The following ATP1B2 variants were observed in gnomAD, a reference collection of about 807,000 sequenced individuals.
ATP1B2 encodes ATPase Na+/K+ transporting subunit beta 2.
In ATP1B2, 12 loss-of-function variants were observed where a neutral mutation model predicts 37.3. That is an observed-to-expected ratio of 0.32 (90% CI 0.21 to 0.52). The LOEUF (loss-of-function observed/expected upper bound fraction) is 0.52. Among genes scored for constraint, ATP1B2 ranks in the 20% least tolerant of loss-of-function variants. The probability of loss-of-function intolerance (pLI) is 0.96; values close to 1 mark genes in which losing one functional copy is unlikely to be tolerated. For missense variants in ATP1B2, 324 were observed against 391.6 expected, an observed-to-expected ratio of 0.83 and a Z score of 1.46; for synonymous variants, 139 against 140.5, an observed-to-expected ratio of 0.99 and a Z score of 0.07.
Position 7,656,102 on chromosome 17 carries a change from A to G in ATP1B2, c.*207A>G, listed in dbSNP as rs965787664. 115 of 640,550 alleles carry G rather than the reference A, an allele frequency of 1.8e-4. No individual in the cohort carries two copies. Among genetic ancestry groups the G allele is most frequent in the East Asian group, 1.2e-3 (42 of 34,684 alleles). 39.7% of individuals were successfully genotyped at this position (640,550 alleles called of 1,614,324 possible). Reference sequence around the variant, plus strand: ...TCGCCTTTCCCACCAACTTCTCCCAACCTCAGATCAGTCAGACAGGGAGCT... The same window carrying G: ...TCGCCTTTCCCACCAACTTCTCCCAGCCTCAGATCAGTCAGACAGGGAGCT... On this transcript the variant is annotated 3_prime_UTR_variant, in exon 7 of 7. Transcript: ENST00000250111.
At position 7,657,391 on chromosome 17, in the gene ATP1B2, C is replaced by T. The variant is rs1399204860; in HGVS notation, c.*1496C>T. ...GACCCCTTTGCCTTTAAAAAAAAAACAAAAACAAAAACAAAAAAACCCATA... is the reference window on the plus strand; with the variant it reads ...GACCCCTTTGCCTTTAAAAAAAAAATAAAAACAAAAACAAAAAAACCCATA... On this transcript the variant is annotated 3_prime_UTR_variant, in exon 7 of 7. Transcript: ENST00000250111. The T allele has an allele frequency of 6.6e-6, 1 of 151,692 alleles. No individual in the cohort carries two copies. The highest frequency in any genetic ancestry group is 2.4e-5 in the African/African-American group (1 of 41,234). 9.4% of individuals were successfully genotyped at this position (151,692 alleles called of 1,614,324 possible). A position where few individuals can be genotyped will look rare whatever the true frequency, so the allele number is the denominator to read the frequency against.
At position 7,655,134 on chromosome 17, in the gene ATP1B2, CG is replaced by C; in HGVS notation, c.610-391del. ...GGGACCCTGTTCCCCGCTTCCCCCC[CG>C]GTCTGTCCTTTCTAGAAACTGGCTG... On this transcript the variant is annotated intron_variant, in intron 5 of 6. Coordinates refer to ENST00000250111, the MANE Select transcript of ATP1B2 (RefSeq NM_001678.5). This position sits in a 1 kb window ranked among gnomAD's most constrained non-coding sequence, Gnocchi z 4.4. 3 of 322,922 alleles carry C rather than the reference CG, an allele frequency of 9.3e-6. No individual in the cohort carries two copies. The East Asian group carries it at 2.1e-4, about 23-fold the overall frequency. 20.0% of individuals were successfully genotyped at this position (322,922 alleles called of 1,614,324 possible). A position where few individuals can be genotyped will look rare whatever the true frequency, so the allele number is the denominator to read the frequency against.
upstream of ATP1B2, chr17:7,646,637 T>C (rs1044507556): frequency 6.6e-6 from 1 of 152,182 alleles, no homozygotes; most frequent in Admixed American, 6.6e-5. Context: ...AGATGCAACA[T>C]GGACACAGAA....
Position 7,655,593 on chromosome 17 carries a change from A to G in ATP1B2, c.676A>G (p.Met226Val). 5.0e-6 allele frequency: 8 copies of G among 1,614,148 alleles called. No individual in the cohort carries two copies. The highest frequency in any genetic ancestry group is 6.8e-6 in the Non-Finnish European group (8 of 1,180,034). The change falls in exon 6 of 7, where the codon ATG becomes GTG. Residue 226 changes from methionine to valine, a missense_variant. Transcript: ENST00000250111. This position sits in a 1 kb window ranked among gnomAD's most constrained non-coding sequence, Gnocchi z 4.4. ...CCCCGCCAACGGCAACATCGACCTCATGTACTTCCCCTACTATGGCAAAAA... is the reference window on the plus strand; with the variant it reads ...CCCCGCCAACGGCAACATCGACCTCGTGTACTTCCCCTACTATGGCAAAAA... Reference protein sequence around the residue: ...MFPANGNIDLMYFPYYGKKFH... With the variant: ...MFPANGNIDLVYFPYYGKKFH...
Position 7,656,237 on chromosome 17 carries a change from C to A in ATP1B2, c.*342C>A, listed in dbSNP as rs2072651065. 6.8e-6 allele frequency: 2 copies of A among 296,056 alleles called. No homozygotes were observed. Among genetic ancestry groups the A allele is most frequent in the Admixed American group, 9.0e-5 (2 of 22,186 alleles). The allele number at this position is 296,056 out of a possible 1,614,324, so 18.3% of individuals were successfully genotyped here. ...CCCTGAGAGTTATAGGAAGTGCCCA[C>A]TGACCCACCCACCCACCTACACCCC... is the stretch of plus-strand genomic sequence containing the variant. On this transcript the variant is annotated 3_prime_UTR_variant, in exon 7 of 7. Transcript: ENST00000250111.
rs1211158126 is a variant in ATP1B2 at position 7,651,209 on chromosome 17, A to G, written c.-310A>G. The G allele has an allele frequency of 6.0e-6, 2 of 332,296 alleles. No homozygotes were observed. Among genetic ancestry groups the G allele is most frequent in the East Asian group, 8.2e-5 (1 of 12,204 alleles). The allele number at this position is 332,296 out of a possible 1,614,324, so 20.6% of individuals were successfully genotyped here. On this transcript the variant is annotated 5_prime_UTR_variant, in exon 1 of 7. Transcript: ENST00000250111. ...GCACCCCATTTCGTTTTGTTTCTAGACGGTTTGGTGGGGGGTGAAGCTGCA... is the reference window on the plus strand; with the variant it reads ...GCACCCCATTTCGTTTTGTTTCTAGGCGGTTTGGTGGGGGGTGAAGCTGCA...
intron 1 of ATP1B2, among the ~76,000 whole-genome samples, chr17:7,651,871 G>T (rs573645406): frequency 1.4e-5 from 2 of 143,628 alleles, no homozygotes; most frequent in Admixed American, 1.4e-4. Context: ...TCGGGCGGGG[G>T]GTCGCCAGCT....
rs2072655138 is a variant in ATP1B2, at chr17:7,656,646, CT to C, written c.*753del. On this transcript the variant is annotated 3_prime_UTR_variant, in exon 7 of 7. Coordinates refer to ENST00000250111, the MANE Select transcript of ATP1B2 (RefSeq NM_001678.5). ...CTGAAAATCCTCTAGCAGCCCCCGA[CT>C]TCAGCAGTTTCTTTCTTTGTTTTTT... 6.5e-6 allele frequency: 1 copy of C among 152,992 alleles called. No individual in the cohort carries two copies. The highest frequency in any genetic ancestry group is 1.5e-5 in the Non-Finnish European group (1 of 68,766). The allele number at this position is 152,992 out of a possible 1,614,324, so 9.5% of individuals were successfully genotyped here.
chr17:7,649,429 C>T (rs1441558154), upstream of ATP1B2, among the ~76,000 whole-genome samples: 1 of 151,844 alleles, frequency 6.6e-6, no homozygotes, highest in African/African-American at 2.4e-5. Context: ...ACTCTATTGC[C>T]CAAGCTGGAG....
At chr17:7,647,445 T>G (rs2072581849), upstream of ATP1B2, among the ~76,000 whole-genome samples, 1 of 152,160 alleles carries the variant, frequency 6.6e-6, no homozygotes, top group South Asian at 2.1e-4. Context: ...CAGGATTGCT[T>G]GAGGCCAGGA....
chr17:7,651,446 G>T lies in ATP1B2; in HGVS notation c.-73G>T. 1 of 1,355,476 alleles carries T rather than the reference G, an allele frequency of 7.4e-7. No individual in the cohort carries two copies. The highest frequency in any genetic ancestry group is 1.0e-6 in the Non-Finnish European group (1 of 974,258). The allele number at this position is 1,355,476 out of a possible 1,614,324, so 84.0% of individuals were successfully genotyped here. On this transcript the variant is annotated 5_prime_UTR_variant, in exon 1 of 7. Coordinates refer to ENST00000250111, the MANE Select transcript of ATP1B2 (RefSeq NM_001678.5). Reference sequence around the variant, plus strand: ...TCCCCGTGCTTTTGGGTGTGTGGAGGGCTTCAGCGCGCGGCGCCCCCGCTT... The same window carrying T: ...TCCCCGTGCTTTTGGGTGTGTGGAGTGCTTCAGCGCGCGGCGCCCCCGCTT...
At chr17:7,652,667 T>C (rs933756417) in intron 1 of ATP1B2, among the ~76,000 whole-genome samples, 1 of 151,858 alleles carries the variant, frequency 6.6e-6, no homozygotes, top group Admixed American at 6.6e-5. Context: ...GAGTCCAGGG[T>C]GGTGGGAACA....
In ATP1B2 at chr17:7,655,723, C is replaced by T. The variant is rs781363639; in HGVS notation, c.709-8C>T. Reference sequence around the variant, plus strand: ...AGGCCTAGACCCTGCACTGCTCCTCCGGCCCAGGTGAACTACACACAGCCC... The same window carrying T: ...AGGCCTAGACCCTGCACTGCTCCTCTGGCCCAGGTGAACTACACACAGCCC... On this transcript the variant is annotated splice_polypyrimidine_tract_variant and splice_region_variant and intron_variant, in intron 6 of 6. Coordinates refer to ENST00000250111, the MANE Select transcript of ATP1B2 (RefSeq NM_001678.5). This position sits in a 1 kb window ranked among gnomAD's most constrained non-coding sequence, Gnocchi z 4.4. 1.8e-5 allele frequency: 29 copies of T among 1,613,926 alleles called. No homozygotes were observed. The highest frequency in any genetic ancestry group is 8.8e-5 in the South Asian group (8 of 91,084).
At chr17:7,647,027 G>A (rs1413702068), upstream of ATP1B2, among the ~76,000 whole-genome samples, 1 of 150,232 alleles carries the variant, frequency 6.7e-6, no homozygotes, top group South Asian at 2.1e-4. Context: ...TTAGGAGGCT[G>A]AGCTGGGAGG....
At position 7,651,429 on chromosome 17, in the gene ATP1B2, C is replaced by A; in HGVS notation, c.-90C>A. ...GCCCGCGCCGCCTTCGCTCCCCGTGCTTTTGGGTGTGTGGAGGGCTTCAGC... is the reference window on the plus strand; with the variant it reads ...GCCCGCGCCGCCTTCGCTCCCCGTGATTTTGGGTGTGTGGAGGGCTTCAGC... On this transcript the variant is annotated 5_prime_UTR_variant, in exon 1 of 7. Coordinates refer to ENST00000250111, the MANE Select transcript of ATP1B2 (RefSeq NM_001678.5). The A allele has an allele frequency of 1.7e-6, 2 of 1,207,804 alleles. No homozygotes were observed. Among genetic ancestry groups the A allele is most frequent in the Non-Finnish European group, 2.4e-6 (2 of 844,422 alleles). 74.8% of individuals were successfully genotyped at this position (1,207,804 alleles called of 1,614,324 possible).
chr17:7,648,482 G>T (rs975545119), upstream of ATP1B2, among the ~76,000 whole-genome samples: 1 of 143,696 alleles, frequency 7.0e-6, no homozygotes, highest in Non-Finnish European at 1.5e-5. Flanking sequence ...GGGAGGAACC[G>T]CTTGAACCCT....
At position 7,654,595 on chromosome 17, in the gene ATP1B2, T is replaced by C; in HGVS notation, c.553-33T>C. The stretch of plus-strand genomic sequence containing the variant: ...ATGCCCATCTTCGACAACTTCTTCC[T>C]CTGACTCTCTTCACCTTCCACCCTC... On this transcript the variant is annotated intron_variant, in intron 4 of 6. Transcript: ENST00000250111. The surrounding 1 kb of genome is among the most constrained non-coding windows in gnomAD (Gnocchi z 4.9). 3.1e-6 allele frequency: 5 copies of C among 1,611,856 alleles called. No individual in the cohort carries two copies. Among genetic ancestry groups the C allele is most frequent in the Non-Finnish European group, 4.2e-6 (5 of 1,177,946 alleles).
In ATP1B2 at chr17:7,656,568, ACT is replaced by A. The variant is rs1487509044; in HGVS notation, c.*676_*677del. 1 of 151,932 alleles carries A rather than the reference ACT, an allele frequency of 6.6e-6. No individual in the cohort carries two copies. Among genetic ancestry groups the A allele is most frequent in the East Asian group, 1.9e-4 (1 of 5,162 alleles). The allele number at this position is 151,932 out of a possible 1,614,324, so 9.4% of individuals were successfully genotyped here. A position where few individuals can be genotyped will look rare whatever the true frequency, so the allele number is the denominator to read the frequency against. On this transcript the variant is annotated 3_prime_UTR_variant, in exon 7 of 7. Coordinates refer to ENST00000250111, the MANE Select transcript of ATP1B2 (RefSeq NM_001678.5). The stretch of plus-strand genomic sequence containing the variant: ...ACGTTCTGCTTCTCACCCTCTGGTG[ACT>A]CTGTGAGCTGGGAAATGAGGGACTG...
At chr17:7,653,241 G>A in intron 1 of ATP1B2, 133 bp from the exon 2 acceptor site, 1 of 1,341,690 alleles carries the variant, frequency 7.5e-7, no homozygotes, top group Non-Finnish European at 1.0e-6. Context: ...TCCAGAGGAA[G>A]GCTCTAAGAC....
Sources: gnomAD v4.1 joint callset for allele counts (sites outside exome capture counted in the v4.1 genomes callset) on GRCh38, gnomAD v4.1.1 for gene constraint, Gnocchi (gnomAD v3.1) non-coding constraint, MANE v1.5 for transcripts, NCBI Gene and HGNC (gene_info 2026-07-23, HGNC 2026-07-21) for gene names.